MYO1E: variants seen among roughly 807,000 people sequenced by gnomAD.
The protein encoded by MYO1E is myosin IE.
A neutral mutation model predicts 151.1 loss-of-function variants in MYO1E; 68 were observed. That is an observed-to-expected ratio of 0.45 (90% CI 0.37 to 0.55). The LOEUF (loss-of-function observed/expected upper bound fraction) is 0.55, where lower values mean the gene tolerates loss of function less well. Ranked by LOEUF, MYO1E falls within the 20% of genes least tolerant of loss-of-function variation. MYO1E has a pLI of 0.00. For missense variants in MYO1E, 1,363 were observed against 1,389.3 expected, an observed-to-expected ratio of 0.98 and a Z score of 0.30; for synonymous variants, 601 against 501.7, an observed-to-expected ratio of 1.20 and a Z score of -2.64.
chr15:59,206,451 G>A (rs541541040), intron 14 of MYO1E, among the ~76,000 whole-genome samples: 9 of 152,278 alleles, frequency 5.9e-5, no homozygotes, highest in South Asian at 2.1e-4. Flanking sequence ...GGCCTCCAGC[G>A]CCATAGACCA....
intron 1 of MYO1E, among the ~76,000 whole-genome samples, chr15:59,303,255 T>C (rs1001335276): frequency 3.3e-5 from 5 of 152,130 alleles, no homozygotes; most frequent in African/African-American, 9.7e-5. Flanking sequence ...CTACCAAAAA[T>C]ACAAAAATTG....
chr15:59,316,889 G>T (rs1334602039), intron 1 of MYO1E, among the ~76,000 whole-genome samples: 2 of 152,114 alleles, frequency 1.3e-5, no homozygotes, highest in Non-Finnish European at 2.9e-5. Context: ...TGTGAAAGTT[G>T]GTATTAGTAA....
rs2079503418 is a variant in MYO1E at position 59,155,276 on chromosome 15, T to TATC, written c.2879-1486_2879-1485insGAT. Among the ~76,000 whole-genome samples, 10 of 152,384 alleles carry TATC rather than the reference T, an allele frequency of 6.6e-5. 1 individual carries two copies. The South Asian group carries it at 2.1e-3, about 32-fold the overall frequency. On this transcript the variant is annotated intron_variant, in intron 25 of 27. Coordinates refer to ENST00000288235, the MANE Select transcript of MYO1E (RefSeq NM_004998.4). Reference sequence around the variant, plus strand: ...AACGTTCATGGCAGTTTGACAGATCTATTTCATGCCTGTTGCATCTTATAA... The same window carrying TATC: ...AACGTTCATGGCAGTTTGACAGATCTATCATTTCATGCCTGTTGCATCTTATAA...
rs1422511347 is a variant in MYO1E, at chr15:59,226,307, C to T, written c.642+1152G>A. ...GAAAAGATTGAATGTGAGCTACTTC[C>T]ACAGTTTAATGTCCTTCTAATCCAG... On this transcript the variant is annotated intron_variant, in intron 7 of 27. Transcript: ENST00000288235. 3.3e-5 allele frequency among the ~76,000 whole-genome samples: 5 copies of T among 152,228 alleles called. No individual in the cohort carries two copies. In the East Asian group the frequency reaches 7.7e-4, roughly 23 times the overall value.
In MYO1E at chr15:59,172,035, T is replaced by C. The variant is rs1274833488; in HGVS notation, c.2342A>G (p.Lys781Arg). Residue 781 changes from lysine (K) to arginine (R), a missense_variant, in exon 22 of 28, where the codon AAG becomes AGG. Lys to Arg is a conservative substitution (Grantham distance 26, BLOSUM62 2). Coordinates refer to ENST00000288235, the MANE Select transcript of MYO1E (RefSeq NM_004998.4). ...TKYDRRFKGV[K>R]RDLLLTPKCL... ...CTTTGGGGTAAGGAGCAGGTCTCGC[T>C]TTACACCCTGTAAGGAGAGGAGCTT... The C allele has an allele frequency of 1.2e-6, 2 of 1,614,016 alleles. No individual in the cohort carries two copies. The highest frequency in any genetic ancestry group is 3.3e-5 in the Admixed American group (2 of 60,026).
At chr15:59,169,011 C>G (rs1284885174) in intron 22 of MYO1E, among the ~76,000 whole-genome samples, 1 of 152,188 alleles carries the variant, frequency 6.6e-6, no homozygotes, top group African/African-American at 2.4e-5. Context: ...ATCATACCTA[C>G]AGAAATAAAC....
intron 6 of MYO1E, among the ~76,000 whole-genome samples, chr15:59,228,768 G>C (rs1474027917): frequency 6.6e-6 from 1 of 152,086 alleles, no homozygotes; most frequent in African/African-American, 2.4e-5. Context: ...AATTCAGCTG[G>C]GTTTTATGTC....
At chr15:59,354,182 T>A (rs2080840859) in intron 1 of MYO1E, among the ~76,000 whole-genome samples, 1 of 152,080 alleles carries the variant, frequency 6.6e-6, no homozygotes, top group South Asian at 2.1e-4. Flanking sequence ...CTACTGGAAT[T>A]TGTGGGGAGC....
chr15:59,296,896 G>C (rs1438241688), intron 1 of MYO1E, among the ~76,000 whole-genome samples: 1 of 142,648 alleles, frequency 7.0e-6, no homozygotes, highest in East Asian at 2.0e-4. Context: ...CTGAAGTGCA[G>C]TGGCATGATG....
In MYO1E at chr15:59,174,164, A is replaced by C; in HGVS notation, c.2126T>G (p.Phe709Cys). The change falls in exon 20 of 28, where the codon TTC (phenylalanine) becomes TGC (cysteine). Residue 709 changes from phenylalanine (F) to cysteine (C), a missense_variant. Physicochemically the swap from Phe to Cys is radical, Grantham distance 205. Transcript: ENST00000288235. ...ARVIQKSWRKFVARKKYVQMR... is the reference protein window; with the variant it reads ...ARVIQKSWRKCVARKKYVQMR... ...TTGAACGTATTTCTTCCGGGCCACGAATTTCCTCCATGATTTCTGTATCAC... is the reference window on the plus strand; with the variant it reads ...TTGAACGTATTTCTTCCGGGCCACGCATTTCCTCCATGATTTCTGTATCAC... 3.1e-6 allele frequency: 5 copies of C among 1,614,102 alleles called. No homozygotes were observed. The highest frequency in any genetic ancestry group is 4.2e-6 in the Non-Finnish European group (5 of 1,179,990).
intron 15 of MYO1E, among the ~76,000 whole-genome samples, chr15:59,204,446 G>A (rs969664342): frequency 1.2e-4 from 18 of 152,208 alleles, no homozygotes; most frequent in African/African-American, 3.9e-4. Flanking sequence ...TTAACTAATA[G>A]AGAGCAAAAG....
intron 1 of MYO1E, among the ~76,000 whole-genome samples, chr15:59,311,723 G>C (rs111920483): frequency 6.6e-6 from 1 of 152,146 alleles, no homozygotes; most frequent in Non-Finnish European, 1.5e-5. Flanking sequence ...TCCCCAATGC[G>C]ACAGTGCTGA....
chr15:59,259,007 G>A (rs1269219319), intron 3 of MYO1E, among the ~76,000 whole-genome samples: 2 of 151,308 alleles, frequency 1.3e-5, no homozygotes, highest in Admixed American at 1.3e-4. Context: ...ATGTTGCCCA[G>A]GCTGGTCTTG....
intron 4 of MYO1E, among the ~76,000 whole-genome samples, chr15:59,237,498 T>A (rs937633149): frequency 6.6e-6 from 1 of 152,214 alleles, no homozygotes; most frequent in Non-Finnish European, 1.5e-5. Flanking sequence ...CAAAACATGC[T>A]TAAGTCAGTC....
At chr15:59,267,247 A>G (rs1213828512) in intron 2 of MYO1E, among the ~76,000 whole-genome samples, 6 of 149,856 alleles carry the variant, frequency 4.0e-5, no homozygotes, top group Non-Finnish European at 7.4e-5. Flanking sequence ...AGATGGTCTC[A>G]ATCTCCTGAC....
intron 9 of MYO1E, among the ~76,000 whole-genome samples, chr15:59,220,431 A>G (rs2079947284): frequency 6.6e-6 from 1 of 152,262 alleles, no homozygotes; most frequent in Non-Finnish European, 1.5e-5. Flanking sequence ...CCTGGGTGAC[A>G]CAGAAAGACT....
At chr15:59,169,189 C>T (rs1307849236) in intron 22 of MYO1E, among the ~76,000 whole-genome samples, 7 of 152,158 alleles carry the variant, frequency 4.6e-5, no homozygotes, top group Admixed American at 2.0e-4. Context: ...TTTGATAAAT[C>T]GTAACTAGGA....
intron 22 of MYO1E, among the ~76,000 whole-genome samples, chr15:59,170,662 T>A (rs926596147): frequency 1.3e-5 from 2 of 151,988 alleles, no homozygotes; most frequent in Non-Finnish European, 2.9e-5. Flanking sequence ...TGCGGACTCA[T>A]CTGCTTAGCA....
chr15:59,235,462 A>C (rs1404852766), intron 5 of MYO1E, among the ~76,000 whole-genome samples: 1 of 152,226 alleles, frequency 6.6e-6, no homozygotes, highest in Non-Finnish European at 1.5e-5. Flanking sequence ...TTTTGTAATT[A>C]ATGATACATC....
Sources: allele counts gnomAD v4.1 joint callset (sites outside exome capture counted in the v4.1 genomes callset), GRCh38; gene constraint gnomAD v4.1.1; transcripts MANE v1.5; gene names NCBI Gene and HGNC (gene_info 2026-07-23, HGNC 2026-07-21).